Variants in FHIT observed in about 807,000 individuals in gnomAD.
FHIT encodes the protein bis(5'-adenosyl)-triphosphatase.
A neutral mutation model predicts 17.9 loss-of-function variants in FHIT; 19 were observed. The observed-to-expected ratio is 1.06, with a 90% CI of 0.74 to 1.56. The LOEUF (loss-of-function observed/expected upper bound fraction) is 1.56, where lower values mean the gene tolerates loss of function less well. Among genes scored for constraint, FHIT ranks in the 40% most tolerant of loss-of-function variants. The pLI, the probability that FHIT is intolerant of heterozygous loss-of-function variation, is 0.00. For synonymous variants in FHIT, 81 were observed against 69.7 expected (o/e 1.16, Z -0.81); for missense variants, 248 against 189.2 (o/e 1.31, Z -1.82).
Position 60,107,013 on chromosome 3 carries a change from C to T in FHIT, c.104-92861G>A, listed in dbSNP as rs553286678. 5.9e-5 allele frequency among the ~76,000 whole-genome samples: 9 copies of T among 151,996 alleles called. No homozygotes were observed. In the South Asian group the frequency reaches 1.0e-3, roughly 18 times the overall value. On this transcript the variant is annotated intron_variant, in intron 5 of 9. Coordinates refer to ENST00000492590, the MANE Select transcript of FHIT (RefSeq NM_002012.4). ...TTAAGAAAAGATCAGTGATAGTTCACGGTGGTTTTATAATAGGTGAATTAA... is the reference window on the plus strand; with the variant it reads ...TTAAGAAAAGATCAGTGATAGTTCATGGTGGTTTTATAATAGGTGAATTAA...
At chr3:61,030,759 G>T (rs1272419102) in intron 3 of FHIT, among the ~76,000 whole-genome samples, 1 of 152,196 alleles carries the variant, frequency 6.6e-6, no homozygotes, top group Non-Finnish European at 1.5e-5. Context: ...AATATGGCAG[G>T]TCTGGTAGTT....
chr3:60,919,488 A>G (rs2107307330), intron 3 of FHIT, among the ~76,000 whole-genome samples: 1 of 152,092 alleles, frequency 6.6e-6, no homozygotes, highest in East Asian at 1.9e-4. Flanking sequence ...GGTAATCTGC[A>G]GAAATGCTTA....
At chr3:60,229,443 A>C (rs532812461) in intron 5 of FHIT, among the ~76,000 whole-genome samples, 1 of 151,948 alleles carries the variant, frequency 6.6e-6, no homozygotes, top group Admixed American at 6.6e-5. Flanking sequence ...AAAAAGAAAA[A>C]GAAAAGAAAA....
chr3:60,338,054 T>C (rs1710328545), intron 5 of FHIT, among the ~76,000 whole-genome samples: 1 of 152,146 alleles, frequency 6.6e-6, no homozygotes, highest in Non-Finnish European at 1.5e-5. Context: ...CCCATTTATG[T>C]AGAGACCTTG....
intron 5 of FHIT, among the ~76,000 whole-genome samples, chr3:60,232,450 T>A (rs766608744): frequency 2.0e-4 from 31 of 152,174 alleles, no homozygotes; most frequent in Non-Finnish European, 3.5e-4. Context: ...TAAGTACAGA[T>A]GCATGTTATC....
chr3:61,062,806 A>T (rs1377436673), intron 2 of FHIT, among the ~76,000 whole-genome samples: 1 of 152,122 alleles, frequency 6.6e-6, no homozygotes, highest in Non-Finnish European at 1.5e-5. Context: ...ATTCCAGGTG[A>T]TTACTGCTCC....
chr3:61,076,655 T>C (rs2034981563), intron 2 of FHIT, among the ~76,000 whole-genome samples: 1 of 152,190 alleles, frequency 6.6e-6, no homozygotes, highest in Non-Finnish European at 1.5e-5. Context: ...AAACATCTTG[T>C]GTATATTGTT....
At chr3:60,959,472 A>G (rs904145203) in intron 3 of FHIT, among the ~76,000 whole-genome samples, 2 of 152,206 alleles carry the variant, frequency 1.3e-5, no homozygotes, top group African/African-American at 4.8e-5. Flanking sequence ...AACTGGACAA[A>G]AACATATTAT....
chr3:60,831,506 C>T (rs1184439114), intron 3 of FHIT, among the ~76,000 whole-genome samples: 1 of 152,004 alleles, frequency 6.6e-6, no homozygotes, highest in East Asian at 1.9e-4. Context: ...TAAAAACTAA[C>T]CAATTAGATA....
chr3:60,084,095 G>A (rs779036318), intron 5 of FHIT, among the ~76,000 whole-genome samples: 6 of 151,992 alleles, frequency 3.9e-5, no homozygotes, highest in Admixed American at 6.6e-5. Flanking sequence ...TCCTCTATAC[G>A]TACATACATA....
intron 7 of FHIT, among the ~76,000 whole-genome samples, chr3:59,974,668 A>G (rs76376609): frequency 0.011 from 1,730 of 152,232 alleles, 34 homozygotes; most frequent in African/African-American, 0.039. Context: ...ATACGTACCT[A>G]AATGACTGCT....
intron 5 of FHIT, among the ~76,000 whole-genome samples, chr3:60,440,564 T>C (rs2030707960): frequency 6.6e-6 from 1 of 152,066 alleles, no homozygotes; most frequent in Non-Finnish European, 1.5e-5. Flanking sequence ...TATTGATATC[T>C]TACCATGAGG....
intron 2 of FHIT, among the ~76,000 whole-genome samples, chr3:61,082,728 CA>C (rs749820540): frequency 1.4e-4 from 21 of 152,194 alleles, no homozygotes; most frequent in Non-Finnish European, 2.6e-4. Context: ...TCATTTTAGT[CA>C]TTCAGATGAG....
chr3:60,835,417 T>C (rs1196008535), intron 3 of FHIT, among the ~76,000 whole-genome samples: 3 of 152,180 alleles, frequency 2.0e-5, no homozygotes, highest in Non-Finnish European at 4.4e-5. Flanking sequence ...ATTATATAGT[T>C]TTCAACAAAC....
At chr3:60,866,504 A>C (rs1704167300) in intron 3 of FHIT, among the ~76,000 whole-genome samples, 1 of 152,160 alleles carries the variant, frequency 6.6e-6, no homozygotes, top group Non-Finnish European at 1.5e-5. Context: ...GCTGCCAGGC[A>C]TGTGGTACCT....
At chr3:59,852,671 G>A (rs537777864) in intron 8 of FHIT, among the ~76,000 whole-genome samples, 3 of 152,170 alleles carry the variant, frequency 2.0e-5, no homozygotes, top group African/African-American at 2.4e-5. Flanking sequence ...TCTGTGATCC[G>A]CCTATTCATC....
chr3:60,406,852 T>G (rs1267801179), intron 5 of FHIT, among the ~76,000 whole-genome samples: 2 of 152,084 alleles, frequency 1.3e-5, no homozygotes, highest in Non-Finnish European at 2.9e-5. Flanking sequence ...TCAGGCCAAT[T>G]AGATATTTCT....
intron 5 of FHIT, among the ~76,000 whole-genome samples, chr3:60,424,787 A>C (rs796580482): frequency 5.3e-5 from 8 of 152,290 alleles, no homozygotes; most frequent in African/African-American, 1.7e-4. Flanking sequence ...AAAAGAAAAA[A>C]AAATGCTATA....
intron 4 of FHIT, among the ~76,000 whole-genome samples, chr3:60,703,801 A>G (rs1553702799): frequency 6.6e-6 from 1 of 152,174 alleles, no homozygotes; most frequent in East Asian, 1.9e-4. Context: ...TCTAGTTTAC[A>G]TGTAAAACTA....
Sources: gnomAD v4.1 joint callset for allele counts (sites outside exome capture counted in the v4.1 genomes callset) on GRCh38, gnomAD v4.1.1 for gene constraint, MANE v1.5 for transcripts, NCBI Gene and HGNC (gene_info 2026-07-23, HGNC 2026-07-21) for gene names.